The following ABCC12 variants were observed in gnomAD, a reference collection of about 807,000 sequenced individuals.
The protein encoded by ABCC12 is ATP binding cassette subfamily C member 12.
Under a neutral mutation model 151.1 loss-of-function variants are expected in ABCC12, and 142 were observed. That is an observed-to-expected ratio of 0.94 (90% confidence interval 0.82 to 1.08). The LOEUF (loss-of-function observed/expected upper bound fraction) is 1.08, where lower values mean the gene tolerates loss of function less well. Ranked by LOEUF, ABCC12 falls within the 50% of genes least tolerant of loss-of-function variation. The pLI, the probability that ABCC12 is intolerant of heterozygous loss-of-function variation, is 0.00. For synonymous variants in ABCC12, 645 were observed against 646.4 expected (o/e 1.00, Z 0.03); for missense variants, 1,638 against 1,691.1 (o/e 0.97, Z 0.55).
rs779235315 is a variant in ABCC12, at chr16:48,128,442, G to T, written c.1515+17C>A. 5.0e-6 allele frequency: 8 copies of T among 1,612,666 alleles called. No individual in the cohort carries two copies. In the South Asian group the frequency reaches 7.7e-5, roughly 16 times the overall value. ...AGGAGGAGGGCTGGAGGCCACACCT[G>T]TGCAACACACACCCACCTTTCTCAC... is the stretch of plus-strand genomic sequence containing the variant. On this transcript the variant is annotated intron_variant, in intron 11 of 30. Coordinates refer to ENST00000311303, the MANE Select transcript of ABCC12 (RefSeq NM_001393797.1).
rs1962361081 is a variant in ABCC12, at chr16:48,081,960, C to T, written c.*1755G>A. The stretch of plus-strand genomic sequence containing the variant: ...AGCACAGACTGCCCAGTCTGCTTGT[C>T]ATATTGGGGAAGTTATCTTATGTCC... On this transcript the variant is annotated 3_prime_UTR_variant, in exon 31 of 31. Transcript: ENST00000311303. Among the ~76,000 whole-genome samples, 1 of 152,140 alleles carries T rather than the reference C, an allele frequency of 6.6e-6. No homozygotes were observed. The highest frequency in any genetic ancestry group is 2.4e-5 in the African/African-American group (1 of 41,436).
intron 9 of ABCC12, among the ~76,000 whole-genome samples, chr16:48,133,104 T>A (rs988733723): frequency 3.3e-5 from 5 of 151,164 alleles, no homozygotes; most frequent in Non-Finnish European, 5.9e-5. Flanking sequence ...TTGGTTTCCA[T>A]TTTTTTTTCC....
chr16:48,081,611 G>A lies in ABCC12; in HGVS notation c.*2104C>T, dbSNP rs909395978. ...CAAATCCCATCTCATGGGGTGAGAT[G>A]AGGATTCAGTGAAATAATTCATGGA... is the stretch of plus-strand genomic sequence containing the variant. On this transcript the variant is annotated 3_prime_UTR_variant, in exon 31 of 31. Transcript: ENST00000311303. 6.6e-6 allele frequency among the ~76,000 whole-genome samples: 1 copy of A among 152,210 alleles called. No homozygotes were observed. The highest frequency in any genetic ancestry group is 1.5e-5 in the Non-Finnish European group (1 of 68,040).
At chr16:48,133,998 G>A (rs1394400582) in intron 8 of ABCC12, among the ~76,000 whole-genome samples, 163 bp from the exon 9 acceptor site, 3 of 152,170 alleles carry the variant, frequency 2.0e-5, no homozygotes, top group African/African-American at 7.2e-5. Flanking sequence ...CACAAACCCA[G>A]CAGGTACTCA....
chr16:48,147,140 T>C, intron 2 of ABCC12, among the ~76,000 whole-genome samples: 1 of 152,148 alleles, frequency 6.6e-6, no homozygotes, highest in Non-Finnish European at 1.5e-5. Flanking sequence ...CTTCTGTGAC[T>C]GCTGCCCCAA....
chr16:48,098,103 A>ACACT (rs1458927788), intron 23 of ABCC12, among the ~76,000 whole-genome samples: 1 of 148,602 alleles, frequency 6.7e-6, no homozygotes, highest in Admixed American at 6.7e-5. Flanking sequence ...ACACACACAC[A>ACACT]CACACACACA....
chr16:48,126,047 C>T (rs1964227209), intron 11 of ABCC12, among the ~76,000 whole-genome samples: 2 of 152,172 alleles, frequency 1.3e-5, no homozygotes, highest in Non-Finnish European at 2.9e-5. Context: ...CTCCAAGAGG[C>T]CTCCGTGAAC....
Position 48,128,817 on chromosome 16 carries a change from C to T in ABCC12, c.1237-80G>A, listed in dbSNP as rs1312444600. The T allele has an allele frequency of 5.3e-6, 8 of 1,499,704 alleles. No homozygotes were observed. The African/African-American group carries it at 9.8e-5, about 18-fold the overall frequency. 92.9% of individuals were successfully genotyped at this position (1,499,704 alleles called of 1,614,324 possible). A position where few individuals can be genotyped will look rare whatever the true frequency, so the allele number is the denominator to read the frequency against. ...ATCCCAATGTATCTTCTAATGACCC[C>T]AAATCACAATTTTGGCTATTCTAAC... On this transcript the variant is annotated intron_variant, in intron 10 of 30. Coordinates refer to ENST00000311303, the MANE Select transcript of ABCC12 (RefSeq NM_001393797.1).
intron 2 of ABCC12, among the ~76,000 whole-genome samples, chr16:48,147,986 C>T (rs550147877): frequency 3.9e-5 from 6 of 152,262 alleles, no homozygotes; most frequent in East Asian, 1.9e-4. Context: ...CTCACTCTGT[C>T]GCCCAGGTGG....
At chr16:48,096,703 G>A in intron 24 of ABCC12, 43 bp downstream of exon 24, 1 of 1,603,366 alleles carries the variant, frequency 6.2e-7, no homozygotes, top group East Asian at 2.2e-5. Context: ...TGTATTACAG[G>A]CCGGAGCCTC....
intron 13 of ABCC12, chr16:48,121,453 C>G: frequency 2.6e-6 from 1 of 380,444 alleles, no homozygotes; most frequent in Non-Finnish European, 4.8e-6. Flanking sequence ...CAGAGAACCT[C>G]GGAACATATG....
chr16:48,150,577 T>C (rs1965103936), intron 2 of ABCC12, among the ~76,000 whole-genome samples: 2 of 152,120 alleles, frequency 1.3e-5, no homozygotes, highest in South Asian at 4.1e-4. Flanking sequence ...GCTTGCAATA[T>C]ATAATAATAT....
intron 8 of ABCC12, among the ~76,000 whole-genome samples, chr16:48,135,243 G>A (rs1302487509): frequency 6.6e-6 from 1 of 152,126 alleles, no homozygotes; most frequent in South Asian, 2.1e-4. Flanking sequence ...TTGGCACGCA[G>A]CAAATAAAGG....
At position 48,109,835 on chromosome 16, in the gene ABCC12, C is replaced by T. The variant is rs116170066; in HGVS notation, c.2282-1306G>A. Among the ~76,000 whole-genome samples, 1,078 of 152,356 alleles carry T rather than the reference C, an allele frequency of 7.1e-3. 13 individuals carry two copies. Among genetic ancestry groups the T allele is most frequent in the African/African-American group, 0.024 (996 of 41,590 alleles). On this transcript the variant is annotated intron_variant, in intron 18 of 30. Transcript: ENST00000311303. ...AGTGCCGCTGATGCTCTGTTTGCCT[C>T]GGCTGTGCCTTAGAAGATGCTGTGA... is the stretch of plus-strand genomic sequence containing the variant.
In ABCC12 at chr16:48,082,922, G is replaced by A. The variant is rs1463514144; in HGVS notation, c.*793C>T. ...AACCAGCCTCCAGGTTGGAGAGAAA[G>A]CTTTTTGTTTGGTAAGCGACTGTGA... is the stretch of plus-strand genomic sequence containing the variant. On this transcript the variant is annotated 3_prime_UTR_variant, in exon 31 of 31. Coordinates refer to ENST00000311303, the MANE Select transcript of ABCC12 (RefSeq NM_001393797.1). 6.6e-6 allele frequency: 1 copy of A among 152,196 alleles called. No individual in the cohort carries two copies. Among genetic ancestry groups the A allele is most frequent in the African/African-American group, 2.4e-5 (1 of 41,416 alleles). 9.4% of individuals were successfully genotyped at this position (152,196 alleles called of 1,614,324 possible).
At chr16:48,134,480 A>T (rs1342341625) in intron 8 of ABCC12, among the ~76,000 whole-genome samples, 3 of 152,260 alleles carry the variant, frequency 2.0e-5, no homozygotes, top group Admixed American at 2.0e-4. Context: ...ATATCTTAAC[A>T]TATGTCCTTG....
At position 48,128,947 on chromosome 16, in the gene ABCC12, CA is replaced by C. The variant is rs955970500; in HGVS notation, c.1237-211del. Reference sequence around the variant, plus strand: ...TCTGGGACAGTTGCCTCTTTAACCACAAGGCCTATGTGGGTCACCCACACTG... The same window carrying C: ...TCTGGGACAGTTGCCTCTTTAACCACAGGCCTATGTGGGTCACCCACACTG... On this transcript the variant is annotated intron_variant, in intron 10 of 30. Coordinates refer to ENST00000311303, the MANE Select transcript of ABCC12 (RefSeq NM_001393797.1). 5.9e-5 allele frequency among the ~76,000 whole-genome samples: 9 copies of C among 152,208 alleles called. No homozygotes were observed. The South Asian group carries it at 1.0e-3, about 17-fold the overall frequency.
chr16:48,083,421 G>A lies in ABCC12; in HGVS notation c.*294C>T, dbSNP rs1262553425. 2 of 352,106 alleles carry A rather than the reference G, an allele frequency of 5.7e-6. No individual in the cohort carries two copies. Among genetic ancestry groups the A allele is most frequent in the East Asian group, 5.0e-5 (1 of 20,090 alleles). 21.8% of individuals were successfully genotyped at this position (352,106 alleles called of 1,614,324 possible). Reference sequence around the variant, plus strand: ...TATTTTCAATCTCAGGCACTGGGGTGGTTTTGGTGAAAACACATGAGGAAC... The same window carrying A: ...TATTTTCAATCTCAGGCACTGGGGTAGTTTTGGTGAAAACACATGAGGAAC... On this transcript the variant is annotated 3_prime_UTR_variant, in exon 31 of 31. Transcript: ENST00000311303.
chr16:48,090,279 G>C (rs1159082240), intron 25 of ABCC12, among the ~76,000 whole-genome samples: 1 of 152,020 alleles, frequency 6.6e-6, no homozygotes, highest in Non-Finnish European at 1.5e-5. Context: ...ACAGGCTGGA[G>C]TGCAATGGCA....
Sources: gnomAD v4.1 joint callset for allele counts (sites outside exome capture counted in the v4.1 genomes callset) on GRCh38, gnomAD v4.1.1 for gene constraint, MANE v1.5 for transcripts, NCBI Gene and HGNC (gene_info 2026-07-23, HGNC 2026-07-21) for gene names.